OR51B5: variants seen among roughly 807,000 people sequenced by gnomAD.
OR51B5 encodes olfactory receptor 51B5.
For missense variants in OR51B5, 456 were observed against 374.6 expected (o/e 1.22, Z -1.79); for synonymous variants, 186 against 144.8 (o/e 1.28, Z -2.04).
chr11:5,342,776 T>G (rs770824404), exon 1 of OR51B5: 37 of 1,613,414 alleles, frequency 2.3e-5, no homozygotes, highest in Non-Finnish European at 3.1e-5. Context: ...CACTGTGACA[T>G]AAAAAACCAG....
Position 5,423,018 on chromosome 11 carries a change from T to C in OR51B5, n.85-76108A>G, listed in dbSNP as rs148255318. On this transcript the variant is annotated intron_variant and non_coding_transcript_variant, in intron 1 of 4. Transcript: ENST00000415970. Reference sequence around the variant, plus strand: ...CGCTTTGCCAAGCATGCCTCTCCACTGGTCCATGTTATCATGGCCAATATC... The same window carrying C: ...CGCTTTGCCAAGCATGCCTCTCCACCGGTCCATGTTATCATGGCCAATATC... 284 of 1,614,030 alleles carry C rather than the reference T, an allele frequency of 1.8e-4. No homozygotes were observed. The highest frequency in any genetic ancestry group is 2.3e-4 in the Non-Finnish European group (269 of 1,180,034).
intron 1 of OR51B5, among the ~76,000 whole-genome samples, chr11:5,387,197 A>G (rs1849708210): frequency 6.6e-6 from 1 of 152,196 alleles, no homozygotes; most frequent in South Asian, 2.1e-4. Flanking sequence ...AAAAATCAGA[A>G]GAGAACCAGC....
intron 1 of OR51B5, among the ~76,000 whole-genome samples, chr11:5,404,399 A>G (rs549839173): frequency 6.6e-6 from 1 of 152,194 alleles, no homozygotes; most frequent in East Asian, 1.9e-4. Flanking sequence ...ACCAATCAGA[A>G]CTCTGTAAAA....
At chr11:5,396,723 C>CA (rs1419719826) in intron 1 of OR51B5, among the ~76,000 whole-genome samples, 8 of 151,494 alleles carry the variant, frequency 5.3e-5, no homozygotes, top group African/African-American at 1.9e-4. Context: ...CATATGGAAC[C>CA]AAAAAAGAGC....
chr11:5,405,867 C>T (rs572148897), intron 1 of OR51B5, among the ~76,000 whole-genome samples: 2 of 152,250 alleles, frequency 1.3e-5, no homozygotes, highest in Admixed American at 6.5e-5. Context: ...TAATAGCCCG[C>T]TGATAGGTGA....
chr11:5,485,381 A>C (rs1277227008), intron 1 of OR51B5, among the ~76,000 whole-genome samples: 5 of 152,178 alleles, frequency 3.3e-5, no homozygotes, highest in Non-Finnish European at 7.3e-5. Flanking sequence ...TTCCCACAAA[A>C]AATGTGTTAA....
At chr11:5,358,520 C>G (rs77349428) in intron 1 of OR51B5, among the ~76,000 whole-genome samples, 16,885 of 152,088 alleles carry the variant, frequency 0.11, 1,065 homozygotes, top group South Asian at 0.15. Context: ...CAACCAAAAA[C>G]AGTCCAGGAC....
chr11:5,484,878 A>G (rs1161981428), intron 1 of OR51B5, among the ~76,000 whole-genome samples: 1 of 152,204 alleles, frequency 6.6e-6, no homozygotes. Flanking sequence ...GTGAGAATAA[A>G]CCTGCCTTTT....
At chr11:5,458,606 T>C (rs1204338544) in intron 1 of OR51B5, among the ~76,000 whole-genome samples, 1 of 152,178 alleles carries the variant, frequency 6.6e-6, no homozygotes, top group Non-Finnish European at 1.5e-5. Flanking sequence ...TGTTTTCCCA[T>C]TTGTTTGTGT....
chr11:5,463,044 T>A (rs187098521), intron 1 of OR51B5, among the ~76,000 whole-genome samples: 1 of 152,228 alleles, frequency 6.6e-6, no homozygotes, highest in Non-Finnish European at 1.5e-5. Context: ...TTTGGTCTCA[T>A]TGTTTTGTCG....
At chr11:5,389,388 A>G (rs758006046) in intron 1 of OR51B5, 2 of 1,608,736 alleles carry the variant, frequency 1.2e-6, no homozygotes, top group East Asian at 2.2e-5. Flanking sequence ...TTTCAGCTCA[A>G]TCCCCGAGGA....
rs777738329 is a variant in OR51B5 at position 5,389,406 on chromosome 11, T to G, written n.85-42496A>C. 8 of 1,612,092 alleles carry G rather than the reference T, an allele frequency of 5.0e-6. No individual in the cohort carries two copies. In the Admixed American group the frequency reaches 1.0e-4, roughly 20 times the overall value. ...CAGCTCAATCCCCGAGGAATGTCAG[T>G]CCAATATTCGCTCAGTCCTCAATTC... On this transcript the variant is annotated intron_variant and non_coding_transcript_variant, in intron 1 of 4. Coordinates refer to the OR51B5 transcript ENST00000415970.
chr11:5,379,032 A>G (rs1384373885), intron 1 of OR51B5, among the ~76,000 whole-genome samples: 2 of 151,014 alleles, frequency 1.3e-5, no homozygotes, highest in East Asian at 3.8e-4. Flanking sequence ...TTGCGGTACT[A>G]TTCACAATAG....
At chr11:5,366,625 G>C (rs1849372360) in intron 1 of OR51B5, among the ~76,000 whole-genome samples, 1 of 150,162 alleles carries the variant, frequency 6.7e-6, no homozygotes, top group Non-Finnish European at 1.5e-5. Flanking sequence ...TAGAGAAAGA[G>C]AGAGAGGTAG....
intron 1 of OR51B5, among the ~76,000 whole-genome samples, chr11:5,411,307 G>A (rs184621917): frequency 6.6e-6 from 1 of 152,158 alleles, no homozygotes; most frequent in African/African-American, 2.4e-5. Context: ...GTATTCAGTA[G>A]AGCAACATGT....
intron 1 of OR51B5, among the ~76,000 whole-genome samples, chr11:5,490,790 C>A (rs1056224737): frequency 6.6e-6 from 1 of 152,182 alleles, no homozygotes; most frequent in African/African-American, 2.4e-5. Flanking sequence ...CTACTAGCTG[C>A]AAGAATTAGG....
intron 1 of OR51B5, among the ~76,000 whole-genome samples, chr11:5,480,373 C>T (rs1590020996): frequency 2.6e-5 from 4 of 151,972 alleles, no homozygotes; most frequent in South Asian, 2.1e-4. Flanking sequence ...TAGAGGGAAA[C>T]TTATAGCACT....
intron 1 of OR51B5, chr11:5,454,608 T>C (rs541179126): frequency 4.9e-5 from 25 of 505,646 alleles, no homozygotes; most frequent in African/African-American, 4.8e-4. Flanking sequence ...ATTCACTAAA[T>C]ACCAACAGTA....
At chr11:5,464,187 G>T (rs949712513) in intron 1 of OR51B5, among the ~76,000 whole-genome samples, 4 of 152,314 alleles carry the variant, frequency 2.6e-5, no homozygotes, top group Non-Finnish European at 4.4e-5. Flanking sequence ...TTAATCATTT[G>T]CCAAGTGGGT....
Sources: gnomAD v4.1 joint callset for allele counts (sites outside exome capture counted in the v4.1 genomes callset) on GRCh38, gnomAD v4.1.1 for gene constraint, MANE v1.5 for transcripts, NCBI Gene and HGNC (gene_info 2026-07-23, HGNC 2026-07-21) for gene names.